NAV3: variants seen among roughly 807,000 people sequenced by gnomAD.
NAV3 encodes the protein neuron navigator 3.
NAV3 carries 87 observed loss-of-function variants against 244.7 expected under a neutral mutation model. That is an observed-to-expected ratio of 0.36 (90% CI 0.30 to 0.42). The LOEUF is 0.42. Among genes scored for constraint, NAV3 ranks in the 20% least tolerant of loss-of-function variants. The probability of loss-of-function intolerance (pLI) is 1.00; values close to 1 mark genes in which losing one functional copy is unlikely to be tolerated. For synonymous variants in NAV3, 1,126 were observed against 1,042.2 expected, an observed-to-expected ratio of 1.08 and a Z score of -1.55; for missense variants, 2,663 against 2,893.3, an observed-to-expected ratio of 0.92 and a Z score of 1.83.
rs12316434 is a variant in NAV3 at position 77,779,044 on chromosome 12, G to A, written c.73-161275G>A. 2.1e-3 allele frequency among the ~76,000 whole-genome samples: 324 copies of A among 152,328 alleles called. 3 individuals carry two copies. Among genetic ancestry groups the A allele is most frequent in the African/African-American group, 7.5e-3 (312 of 41,574 alleles). ...AAAGTTTTACTTGCAAGCCTTGTGC[G>A]ACTCTGTAAATGTGAAAATAAATTA... On this transcript the variant is annotated intron_variant, in intron 2 of 8. Coordinates refer to the NAV3 transcript ENST00000550042.
intron 9 of NAV3, among the ~76,000 whole-genome samples, chr12:78,023,159 G>A (rs1178555432): frequency 6.6e-6 from 1 of 152,130 alleles, no homozygotes; most frequent in Non-Finnish European, 1.5e-5. Context: ...GCATGTTTTA[G>A]CACTAGAGCT....
chr12:77,695,283 G>A (rs1291213959), intron 2 of NAV3, among the ~76,000 whole-genome samples: 3 of 152,116 alleles, frequency 2.0e-5, no homozygotes, highest in African/African-American at 7.2e-5. Context: ...ATGGTTAGAG[G>A]TCTTAGATTT....
intron 2 of NAV3, among the ~76,000 whole-genome samples, chr12:77,691,235 A>G (rs1397949002): frequency 6.7e-6 from 1 of 149,390 alleles, no homozygotes; most frequent in Non-Finnish European, 1.5e-5. Flanking sequence ...TTTTACATAC[A>G]TTTCTGGGAA....
At chr12:77,768,805 G>C (rs1225192765) in intron 2 of NAV3, among the ~76,000 whole-genome samples, 1 of 152,214 alleles carries the variant, frequency 6.6e-6, no homozygotes, top group Admixed American at 6.5e-5. Context: ...CCTGGTTCCT[G>C]CCAGCTCCAT....
chr12:77,646,728 G>A (rs1454197354), intron 2 of NAV3, among the ~76,000 whole-genome samples: 2 of 151,760 alleles, frequency 1.3e-5, no homozygotes, highest in Non-Finnish European at 2.9e-5. Context: ...AGGATAGGAG[G>A]GTCACTTTGA....
chr12:77,836,459 T>C (rs1874652805), intron 1 of NAV3, among the ~76,000 whole-genome samples: 3 of 152,206 alleles, frequency 2.0e-5, no homozygotes, highest in Admixed American at 2.0e-4. Flanking sequence ...AAAGCAATTA[T>C]TTTTTGTGGA....
chr12:77,622,538 T>A (rs1871424237), intron 2 of NAV3, among the ~76,000 whole-genome samples: 1 of 132,460 alleles, frequency 7.5e-6, no homozygotes, highest in Non-Finnish European at 1.6e-5. Flanking sequence ...ATATGGATTT[T>A]TTTTTTTTTT....
chr12:77,686,281 C>T (rs1205060789), intron 2 of NAV3, among the ~76,000 whole-genome samples: 2 of 151,928 alleles, frequency 1.3e-5, no homozygotes, highest in African/African-American at 4.8e-5. Flanking sequence ...TTGGTAGAGA[C>T]GGGGTTTCAC....
rs2136076670 is a variant in NAV3, at chr12:77,831,560, G to A, written c.99G>A (p.Gly33=). The A allele has an allele frequency of 6.2e-7, 1 of 1,614,096 alleles. No homozygotes were observed. Among genetic ancestry groups the A allele is most frequent in the African/African-American group, 1.3e-5 (1 of 75,030 alleles). Residue 33 remains glycine (G), a synonymous_variant, in exon 1 of 40, where the codon GGG becomes GGA. Transcript: ENST00000397909. ...ALPIPNLGTT[G]SQHCSSRPLE... is the part of the protein sequence containing the mutation. ...CGATACCAAATCTTGGCACTACTGG[G>A]TCACAGCACTGTTCTTCAAGACCTT...
At position 77,998,280 on chromosome 12, in the gene NAV3, G is replaced by A. The variant is rs959412535; in HGVS notation, c.741-57G>A. 5.2e-6 allele frequency: 7 copies of A among 1,335,180 alleles called. No individual in the cohort carries two copies. The African/African-American group carries it at 9.0e-5, about 17-fold the overall frequency. The allele number at this position is 1,335,180 out of a possible 1,614,324, so 82.7% of individuals were successfully genotyped here. A position where few individuals can be genotyped will look rare whatever the true frequency, so the allele number is the denominator to read the frequency against. ...AAATTTCTGACTTTCAGCACCTCCT[G>A]CTTCTTACCTTTTTGTAATGTACAA... On this transcript the variant is annotated intron_variant, in intron 6 of 39. Coordinates refer to ENST00000397909, the MANE Select transcript of NAV3 (RefSeq NM_001024383.2).
chr12:77,899,236 A>C (rs535447376), intron 1 of NAV3, among the ~76,000 whole-genome samples: 1 of 152,376 alleles, frequency 6.6e-6, no homozygotes, highest in Non-Finnish European at 1.5e-5. Flanking sequence ...AAGCAGCAGC[A>C]GAGTTTGAAA....
chr12:77,882,775 G>GAA (rs2136634009), intron 1 of NAV3, among the ~76,000 whole-genome samples: 2 of 152,138 alleles, frequency 1.3e-5, no homozygotes, highest in East Asian at 3.9e-4. Context: ...CAAAGGATGT[G>GAA]AACAGATACT....
upstream of NAV3, among the ~76,000 whole-genome samples, chr12:77,828,658 G>A (rs1166953997): frequency 6.6e-6 from 1 of 152,076 alleles, no homozygotes; most frequent in African/African-American, 2.4e-5. Flanking sequence ...ATTTTTTATA[G>A]TAAGTTAGTT....
At chr12:77,659,691 C>T (rs1282244868) in intron 2 of NAV3, among the ~76,000 whole-genome samples, 1 of 152,078 alleles carries the variant, frequency 6.6e-6, no homozygotes, top group Non-Finnish European at 1.5e-5. Context: ...TTCACAATAG[C>T]AAAGACTTGG....
intron 2 of NAV3, among the ~76,000 whole-genome samples, chr12:77,774,785 C>T (rs1870266708): frequency 6.6e-6 from 1 of 151,918 alleles, no homozygotes; most frequent in South Asian, 2.1e-4. Flanking sequence ...GACTATATAC[C>T]CAAAACATGT....
chr12:77,685,283 C>T (rs1176030955), intron 2 of NAV3, among the ~76,000 whole-genome samples: 3 of 152,252 alleles, frequency 2.0e-5, no homozygotes, highest in East Asian at 1.9e-4. Context: ...ATTTGCTAAG[C>T]GCCTTGGAGC....
At chr12:77,581,210 AT>A (rs1039591254) in intron 2 of NAV3, among the ~76,000 whole-genome samples, 1 of 152,226 alleles carries the variant, frequency 6.6e-6, no homozygotes, top group Non-Finnish European at 1.5e-5. Context: ...TTAGGACTCC[AT>A]CCCACATCTA....
At chr12:78,135,894 T>G (rs1438309708) in intron 18 of NAV3, among the ~76,000 whole-genome samples, 2 of 152,184 alleles carry the variant, frequency 1.3e-5, no homozygotes, top group African/African-American at 4.8e-5. Flanking sequence ...TTTTCTTCCT[T>G]TTCCATTACA....
chr12:78,070,723 C>T (rs1292987413), intron 12 of NAV3, among the ~76,000 whole-genome samples: 1 of 133,424 alleles, frequency 7.5e-6, no homozygotes, highest in Non-Finnish European at 1.6e-5. Context: ...CCACAACAGT[C>T]CCCAGAGTGT....
Sources: gnomAD v4.1 joint callset for allele counts (sites outside exome capture counted in the v4.1 genomes callset) on GRCh38, gnomAD v4.1.1 for gene constraint, MANE v1.5 for transcripts, NCBI Gene and HGNC (gene_info 2026-07-23, HGNC 2026-07-21) for gene names.